Variants in TNS1 observed in about 807,000 individuals in gnomAD.
TNS1 encodes tensin 1.
TNS1 carries 62 observed loss-of-function variants against 168.6 expected under a neutral mutation model. The ratio of observed to expected loss-of-function variants is 0.37; its 90% CI spans 0.30 to 0.45. The LOEUF (loss-of-function observed/expected upper bound fraction) is 0.45. Among genes scored for constraint, TNS1 ranks in the 20% least tolerant of loss-of-function variants. The pLI is 1.00. For missense variants in TNS1, 2,240 were observed against 2,339.4 expected (o/e 0.96, Z 0.88); for synonymous variants, 934 against 933.2 (o/e 1.00, Z -0.02).
intron 2 of TNS1, among the ~76,000 whole-genome samples, chr2:217,988,803 G>A (rs985603814): frequency 1.3e-5 from 2 of 152,106 alleles, no homozygotes; most frequent in Non-Finnish European, 2.9e-5. Flanking sequence ...CCCACTCCTG[G>A]GTGCCTTGAC....
intron 21 of TNS1, among the ~76,000 whole-genome samples, chr2:217,831,968 CACAG>C (rs1450162262): frequency 1.3e-5 from 2 of 151,934 alleles, no homozygotes; most frequent in African/African-American, 4.8e-5. Context: ...CACACACACA[CACAG>C]ACACACACAG....
At chr2:218,020,432 AATT>A (rs1342743977) in intron 1 of TNS1, among the ~76,000 whole-genome samples, 1 of 151,958 alleles carries the variant, frequency 6.6e-6, no homozygotes, top group East Asian at 1.9e-4. Context: ...ACAGTGTCAA[AATT>A]CTGGGAGCCG....
intron 6 of TNS1, among the ~76,000 whole-genome samples, chr2:217,904,042 G>A (rs1255377758): frequency 6.6e-6 from 1 of 152,192 alleles, no homozygotes; most frequent in Non-Finnish European, 1.5e-5. Context: ...GGGTCTGTAA[G>A]CGAACACCAG....
intron 3 of TNS1, among the ~76,000 whole-genome samples, chr2:217,939,718 G>A (rs1956813151): frequency 6.6e-6 from 1 of 152,110 alleles, no homozygotes; most frequent in Non-Finnish European, 1.5e-5. Context: ...CCAGGGCTGA[G>A]CTACAGGCTT....
At chr2:218,004,141 GAGA>G (rs1244322132), upstream of TNS1, among the ~76,000 whole-genome samples, 1 of 152,156 alleles carries the variant, frequency 6.6e-6, no homozygotes, top group African/African-American at 2.4e-5. Flanking sequence ...AGCTGTCCAG[GAGA>G]AGGAGGGAGG....
At chr2:217,955,411 G>C (rs945523200) in intron 3 of TNS1, among the ~76,000 whole-genome samples, 1 of 152,074 alleles carries the variant, frequency 6.6e-6, no homozygotes, top group African/African-American at 2.4e-5. Flanking sequence ...CTGAGAAGTG[G>C]GCCCAAACAC....
At chr2:217,955,147 G>A (rs1198466157) in intron 3 of TNS1, among the ~76,000 whole-genome samples, 1 of 152,168 alleles carries the variant, frequency 6.6e-6, no homozygotes, top group African/African-American at 2.4e-5. Flanking sequence ...CACATTCCTG[G>A]GCCAAGATAA....
At chr2:217,917,568 A>T (rs1279785283) in intron 4 of TNS1, among the ~76,000 whole-genome samples, 1 of 152,112 alleles carries the variant, frequency 6.6e-6, no homozygotes, top group Non-Finnish European at 1.5e-5. Context: ...GCAGTAGCTC[A>T]CGCCTGTAAT....
intron 18 of TNS1, among the ~76,000 whole-genome samples, chr2:217,857,026 G>A (rs999921317): frequency 6.6e-6 from 1 of 152,142 alleles, no homozygotes; most frequent in African/African-American, 2.4e-5. Context: ...GAAAAAAAGA[G>A]GGAGGCTCAA....
chr2:217,917,313 T>C (rs975936958), intron 4 of TNS1, among the ~76,000 whole-genome samples: 1 of 152,116 alleles, frequency 6.6e-6, no homozygotes, highest in Non-Finnish European at 1.5e-5. Context: ...GAAACATATA[T>C]AGAGCACCTA....
At chr2:217,912,947 A>C (rs1954596974) in intron 4 of TNS1, among the ~76,000 whole-genome samples, 1 of 152,186 alleles carries the variant, frequency 6.6e-6, no homozygotes, top group Non-Finnish European at 1.5e-5. Flanking sequence ...CCTTTCTGCA[A>C]ATGAGGAGAC....
At chr2:217,832,437 G>A (rs1944571904) in intron 21 of TNS1, among the ~76,000 whole-genome samples, 1 of 152,184 alleles carries the variant, frequency 6.6e-6, no homozygotes, top group African/African-American at 2.4e-5. Flanking sequence ...CATGTCTCCT[G>A]ACACAGCTCT....
intron 18 of TNS1, chr2:217,858,467 A>G (rs1234128557): frequency 1.1e-5 from 11 of 971,972 alleles, no homozygotes; most frequent in Non-Finnish European, 1.3e-5. Context: ...CTCACAGGCA[A>G]AACAACTGCC....
At chr2:218,012,205 C>T (rs114425831), upstream of TNS1, among the ~76,000 whole-genome samples, 2,108 of 152,158 alleles carry the variant, frequency 0.014, 55 homozygotes, top group African/African-American at 0.047. Flanking sequence ...TTTAATGCAT[C>T]GCAAGTAGAA....
intron 1 of TNS1, among the ~76,000 whole-genome samples, chr2:217,996,340 G>A (rs1384100220): frequency 3.3e-5 from 5 of 152,136 alleles, no homozygotes; most frequent in Admixed American, 6.5e-5. Context: ...ACTGCCCCAT[G>A]CCCCCTCACC....
intron 5 of TNS1, among the ~76,000 whole-genome samples, chr2:217,906,904 T>G (rs1302042625): frequency 1.3e-5 from 2 of 152,226 alleles, no homozygotes; most frequent in Non-Finnish European, 2.9e-5. Context: ...TCTTGCATTC[T>G]GCATATTTCA....
At chr2:217,998,328 A>G (rs1418234805) in intron 1 of TNS1, among the ~76,000 whole-genome samples, 1 of 151,960 alleles carries the variant, frequency 6.6e-6, no homozygotes, top group Non-Finnish European at 1.5e-5. Context: ...ACATTTCTGA[A>G]TATCAAGCCC....
chr2:217,915,017 C>G (rs559009994), intron 4 of TNS1, among the ~76,000 whole-genome samples: 1 of 152,334 alleles, frequency 6.6e-6, no homozygotes, highest in South Asian at 2.1e-4. Context: ...ACCTCCCTCC[C>G]CATGCTCAGC....
rs1156718673 is a variant in TNS1, at chr2:217,893,478, G to T, written c.678C>A (p.Leu226=). 1 of 1,612,682 alleles carries T rather than the reference G, an allele frequency of 6.2e-7. No individual in the cohort carries two copies. The highest frequency in any genetic ancestry group is 2.2e-5 in the East Asian group (1 of 44,792). The change falls in exon 10 of 33, where the codon CTC becomes CTA. Residue 226 remains leucine (L), a synonymous_variant. Transcript: ENST00000682258. ...CSICKAMDTW[L]NADPHNVVVL... Reference sequence around the variant, plus strand: ...CAACGACATTGTGAGGGTCTGCATTGAGCCATGTGTCCATGGCCTTACAGA... The same window carrying T: ...CAACGACATTGTGAGGGTCTGCATTTAGCCATGTGTCCATGGCCTTACAGA...
Sources: allele counts gnomAD v4.1 joint callset (sites outside exome capture counted in the v4.1 genomes callset), GRCh38; gene constraint gnomAD v4.1.1; transcripts MANE v1.5; gene names NCBI Gene and HGNC (gene_info 2026-07-23, HGNC 2026-07-21).